The following ENOX1 variants were observed in gnomAD, a reference collection of about 807,000 sequenced individuals.
ENOX1 encodes the protein candidate growth-related and time keeping constitutive hydroquinone (NADH) oxidase.
ENOX1 carries 42 observed loss-of-function variants against 82.5 expected under a neutral mutation model. That is an observed-to-expected ratio of 0.51 (90% CI 0.40 to 0.66). ENOX1 has a LOEUF of 0.66. ENOX1 is among the 30% of genes least tolerant of loss of function. The pLI, the probability that ENOX1 is intolerant of heterozygous loss-of-function variation, is 0.00. For missense variants in ENOX1, 608 were observed against 811.6 expected (o/e 0.75, Z 3.05); for synonymous variants, 271 against 282.2 (o/e 0.96, Z 0.40).
intron 3 of ENOX1, among the ~76,000 whole-genome samples, chr13:43,445,411 C>CCG (rs1349674640): frequency 6.6e-6 from 1 of 152,158 alleles, no homozygotes; most frequent in Non-Finnish European, 1.5e-5. Flanking sequence ...GTGTGAGCCA[C>CCG]TGCCCCCGGC....
At chr13:43,711,303 A>T (rs1016739046) in intron 1 of ENOX1, among the ~76,000 whole-genome samples, 39 of 152,062 alleles carry the variant, frequency 2.6e-4, no homozygotes, top group Non-Finnish European at 4.9e-4. Flanking sequence ...CCACATTTTC[A>T]TAATCCAGTC....
intron 16 of ENOX1, among the ~76,000 whole-genome samples, chr13:43,223,525 G>C (rs1400438714): frequency 6.6e-5 from 10 of 152,164 alleles, no homozygotes; most frequent in Admixed American, 6.5e-4. Flanking sequence ...TCTGGCTCTG[G>C]ATGTGAGCCT....
chr13:43,477,241 T>C (rs2058326324), intron 3 of ENOX1, among the ~76,000 whole-genome samples: 1 of 151,640 alleles, frequency 6.6e-6, no homozygotes, highest in South Asian at 2.1e-4. Flanking sequence ...AATGGTATAA[T>C]ATACAACAAC....
chr13:43,550,376 C>T (rs778091171), intron 2 of ENOX1, among the ~76,000 whole-genome samples: 2 of 152,302 alleles, frequency 1.3e-5, no homozygotes, highest in Non-Finnish European at 2.9e-5. Flanking sequence ...TCATTCAACA[C>T]GGTGTCTTCC....
Position 43,552,912 on chromosome 13 carries a change from A to G in ENOX1, c.-218-68760T>C, listed in dbSNP as rs17064708. On this transcript the variant is annotated intron_variant, in intron 2 of 16. Coordinates refer to ENST00000690772, the MANE Select transcript of ENOX1 (RefSeq NM_001347969.2). ...TAGGGAGGAGCTTCACTGGTCACAG[A>G]TATCTTATTACCAATTAATTTAAGG... Among the ~76,000 whole-genome samples the G allele has an allele frequency of 2.5e-3, 387 of 152,354 alleles. 1 individual carries two copies. Among genetic ancestry groups the G allele is most frequent in the African/African-American group, 8.9e-3 (372 of 41,584 alleles).
At chr13:43,215,791 GC>G (rs1700574060) in intron 16 of ENOX1, among the ~76,000 whole-genome samples, 1 of 152,186 alleles carries the variant, frequency 6.6e-6, no homozygotes, top group Admixed American at 6.5e-5. Flanking sequence ...AGATCCCCCA[GC>G]CAGCCTCTTC....
At chr13:43,596,135 A>G (rs2081460441) in intron 2 of ENOX1, among the ~76,000 whole-genome samples, 1 of 152,254 alleles carries the variant, frequency 6.6e-6, no homozygotes, top group African/African-American at 2.4e-5. Context: ...ACTGCTAAAG[A>G]TTAAAAAAAT....
chr13:43,503,890 C>T (rs1035104664), intron 2 of ENOX1, among the ~76,000 whole-genome samples: 1 of 151,418 alleles, frequency 6.6e-6, no homozygotes, highest in Non-Finnish European at 1.5e-5. Flanking sequence ...AAATAATCAA[C>T]AAAATGAAAA....
At chr13:43,773,394 G>T (rs1951751736) in intron 1 of ENOX1, among the ~76,000 whole-genome samples, 2 of 152,132 alleles carry the variant, frequency 1.3e-5, no homozygotes, top group Non-Finnish European at 2.9e-5. Flanking sequence ...ACACTTCAGT[G>T]GCTCTCCACT....
chr13:43,481,497 G>A (rs1194653046), intron 3 of ENOX1, among the ~76,000 whole-genome samples: 1 of 151,996 alleles, frequency 6.6e-6, no homozygotes. Flanking sequence ...TTTTATACCA[G>A]ACACCAAAAC....
intron 11 of ENOX1, among the ~76,000 whole-genome samples, chr13:43,316,198 CT>C (rs1213456995): frequency 6.6e-6 from 1 of 152,178 alleles, no homozygotes; most frequent in Non-Finnish European, 1.5e-5. Flanking sequence ...ATGCAGGAAA[CT>C]TTGTGGAGAC....
intron 16 of ENOX1, among the ~76,000 whole-genome samples, chr13:43,217,740 A>C (rs1337260280): frequency 1.3e-5 from 2 of 152,186 alleles, no homozygotes; most frequent in Non-Finnish European, 2.9e-5. Context: ...CTCATTTCCA[A>C]GACAAGGGAA....
At chr13:43,357,665 G>A (rs2050238123) in intron 7 of ENOX1, among the ~76,000 whole-genome samples, 2 of 152,232 alleles carry the variant, frequency 1.3e-5, no homozygotes, top group Middle Eastern at 3.4e-3. Context: ...CCTTTCCCCT[G>A]CTCATGTCCA....
intron 5 of ENOX1, among the ~76,000 whole-genome samples, chr13:43,392,041 G>C (rs2052812412): frequency 6.6e-6 from 1 of 152,088 alleles, no homozygotes; most frequent in South Asian, 2.1e-4. Context: ...TGCCTCTGGG[G>C]TCCTCTTCTA....
intron 3 of ENOX1, among the ~76,000 whole-genome samples, chr13:43,470,342 G>T (rs1229155587): frequency 2.3e-5 from 1 of 43,054 alleles, no homozygotes; most frequent in South Asian, 9.5e-4. Context: ...ATATATATAC[G>T]TATATATATA....
At chr13:43,347,645 G>A (rs567948627) in intron 8 of ENOX1, among the ~76,000 whole-genome samples, 1 of 152,302 alleles carries the variant, frequency 6.6e-6, no homozygotes, top group African/African-American at 2.4e-5. Context: ...TCAGTGGAAA[G>A]ATCACTGAGA....
At chr13:43,722,867 A>T (rs148731636) in intron 1 of ENOX1, among the ~76,000 whole-genome samples, 198 of 152,304 alleles carry the variant, frequency 1.3e-3, no homozygotes, top group African/African-American at 4.1e-3. Flanking sequence ...TTTGTTAAAG[A>T]CTCCCAAAAT....
At chr13:43,537,035 C>G (rs2078490618) in intron 2 of ENOX1, among the ~76,000 whole-genome samples, 2 of 152,142 alleles carry the variant, frequency 1.3e-5, no homozygotes, top group South Asian at 4.1e-4. Flanking sequence ...GTGAAAAAAC[C>G]ACACATAGGT....
intron 2 of ENOX1, among the ~76,000 whole-genome samples, chr13:43,519,756 T>A (rs9567207): frequency 1.3e-3 from 198 of 152,018 alleles, no homozygotes; most frequent in African/African-American, 4.7e-3. Context: ...CTGAATCCCC[T>A]GCGATCCTCT....
Sources: gnomAD v4.1 joint callset for allele counts (sites outside exome capture counted in the v4.1 genomes callset) on GRCh38, gnomAD v4.1.1 for gene constraint, MANE v1.5 for transcripts, NCBI Gene and HGNC (gene_info 2026-07-23, HGNC 2026-07-21) for gene names.